MYO9A: variants seen among roughly 807,000 people sequenced by gnomAD.
The protein encoded by MYO9A is myosin IXA, also known as unconventional myosin-IXa.
In MYO9A, 103 loss-of-function variants were observed where a neutral mutation model predicts 293.3. The observed-to-expected ratio is 0.35, with a 90% CI of 0.30 to 0.41. The LOEUF is 0.41. MYO9A is among the 10% of genes least tolerant of loss of function. MYO9A has a pLI of 1.00. For missense variants in MYO9A, 2,685 were observed against 3,033.0 expected (o/e 0.89, Z 2.69); for synonymous variants, 1,001 against 1,035.7 (o/e 0.97, Z 0.64).
intron 11 of MYO9A, among the ~76,000 whole-genome samples, chr15:71,985,720 T>C (rs2076392157): frequency 6.6e-6 from 1 of 152,196 alleles, no homozygotes; most frequent in Admixed American, 6.5e-5. Context: ...GATTTCTTTC[T>C]TATAGTCTAG....
At chr15:72,026,392 T>C (rs1470293941) in intron 4 of MYO9A, among the ~76,000 whole-genome samples, 2 of 142,432 alleles carry the variant, frequency 1.4e-5, no homozygotes, top group African/African-American at 5.3e-5. Context: ...ACAAGCAAAA[T>C]TATAAAATAC....
chr15:72,013,663 T>TGA (rs2077238702), intron 6 of MYO9A, among the ~76,000 whole-genome samples: 2 of 152,196 alleles, frequency 1.3e-5, no homozygotes, highest in Non-Finnish European at 2.9e-5. Flanking sequence ...ACTTTCCCAT[T>TGA]TACAAATGCC....
chr15:72,086,323 T>A (rs186155273), intron 1 of MYO9A, among the ~76,000 whole-genome samples: 30 of 152,168 alleles, frequency 2.0e-4, no homozygotes, highest in African/African-American at 6.7e-4. Flanking sequence ...GTGTGCACCC[T>A]CTGTGCACAT....
At chr15:71,935,164 C>T (rs2058602458) in intron 17 of MYO9A, 177 bp downstream of exon 17, 9 of 613,090 alleles carry the variant, frequency 1.5e-5, no homozygotes, top group Non-Finnish European at 1.9e-5. Context: ...CTTTATAACA[C>T]ATGAGATTCA....
chr15:71,853,756 C>T (rs1332727983), intron 35 of MYO9A, among the ~76,000 whole-genome samples: 2 of 152,210 alleles, frequency 1.3e-5, no homozygotes, highest in African/African-American at 4.8e-5. Flanking sequence ...TACAAAGATA[C>T]ATGCTCAACT....
Position 71,851,360 on chromosome 15 carries a change from TA to T in MYO9A, c.6476-3del. On this transcript the variant is annotated splice_region_variant and splice_polypyrimidine_tract_variant and intron_variant, in intron 36 of 41. Coordinates refer to ENST00000356056, the MANE Select transcript of MYO9A (RefSeq NM_006901.4). ...TTGTCTCCTTCCTCTCCTGAAGGCC[TA>T]AAAACAGTAAGAGCAGAAACTAAGA... The T allele has an allele frequency of 6.2e-7, 1 of 1,608,932 alleles. No homozygotes were observed. The highest frequency in any genetic ancestry group is 1.1e-5 in the South Asian group (1 of 90,598).
rs887500576 is a variant in MYO9A, at chr15:71,823,248, A to G, written c.*3332T>C. 9 of 151,766 alleles carry G rather than the reference A, an allele frequency of 5.9e-5. No individual in the cohort carries two copies. The highest frequency in any genetic ancestry group is 2.2e-4 in the African/African-American group (9 of 40,992). 9.4% of individuals were successfully genotyped at this position (151,766 alleles called of 1,614,324 possible). On this transcript the variant is annotated 3_prime_UTR_variant, in exon 42 of 42. Coordinates refer to ENST00000356056, the MANE Select transcript of MYO9A (RefSeq NM_006901.4). ...CTTGTTACAGTGAAAAACACAGCCCACAGGCACTGAGGTGGGACTACAGAA... is the reference window on the plus strand; with the variant it reads ...CTTGTTACAGTGAAAAACACAGCCCGCAGGCACTGAGGTGGGACTACAGAA...
At chr15:71,870,381 T>C (rs543357937) in intron 32 of MYO9A, among the ~76,000 whole-genome samples, 13 of 152,308 alleles carry the variant, frequency 8.5e-5, no homozygotes, top group African/African-American at 3.1e-4. Context: ...GGAATAGTAA[T>C]TGTTTCTATT....
At chr15:71,963,925 T>C (rs2075808132) in intron 13 of MYO9A, among the ~76,000 whole-genome samples, 1 of 152,230 alleles carries the variant, frequency 6.6e-6, no homozygotes, top group Admixed American at 6.5e-5. Flanking sequence ...TGGGATTTCC[T>C]CTGTGGAAAA....
chr15:71,960,050 G>T lies in MYO9A; in HGVS notation c.2033C>A (p.Ala678Asp). ...TGCATTCTTGCTGCTTCTCAGAAGA[G>T]CTACAATGTCTGGGCGCATATGATC... ...NTDHMRPDIV[A>D]LLRSSKNAFI... Residue 678 changes from alanine (A) to aspartate (D), a missense_variant, in exon 14 of 42, where the codon GCT (alanine) becomes GAT (aspartate). Transcript: ENST00000356056. 6.2e-7 allele frequency: 1 copy of T among 1,613,966 alleles called. No individual in the cohort carries two copies. The highest frequency in any genetic ancestry group is 1.1e-5 in the South Asian group (1 of 91,068).
chr15:71,832,926 C>T (rs1366932497), intron 39 of MYO9A, among the ~76,000 whole-genome samples: 1 of 151,832 alleles, frequency 6.6e-6, no homozygotes, highest in Non-Finnish European at 1.5e-5. Flanking sequence ...TACTAGTTAG[C>T]AAATACTGAT....
chr15:72,117,001 G>C (rs1316116820), intron 1 of MYO9A: 1 of 152,192 alleles, frequency 6.6e-6, no homozygotes, highest in African/African-American at 2.4e-5. Flanking sequence ...ATTCCCTCAG[G>C]ATTTCATGGC....
chr15:71,985,766 T>C (rs1050553137), intron 11 of MYO9A, among the ~76,000 whole-genome samples: 4 of 152,226 alleles, frequency 2.6e-5, no homozygotes, highest in Non-Finnish European at 5.9e-5. Context: ...CTCCAATGCC[T>C]TCAAATATAT....
At chr15:71,969,961 G>T (rs765817692) in intron 12 of MYO9A, among the ~76,000 whole-genome samples, 1 of 152,108 alleles carries the variant, frequency 6.6e-6, no homozygotes, top group African/African-American at 2.4e-5. Context: ...CCCAACTATT[G>T]CAATTCTGAC....
chr15:72,017,334 T>C (rs2077375302), intron 6 of MYO9A, among the ~76,000 whole-genome samples: 1 of 152,160 alleles, frequency 6.6e-6, no homozygotes, highest in African/African-American at 2.4e-5. Flanking sequence ...AAGTATTACT[T>C]AGACTATCTC....
chr15:72,066,458 C>A (rs1408219846), intron 1 of MYO9A, among the ~76,000 whole-genome samples: 4 of 149,316 alleles, frequency 2.7e-5, no homozygotes, highest in Admixed American at 6.7e-5. Context: ...TGCACTCCAG[C>A]CTGGCAACAG....
intron 1 of MYO9A, among the ~76,000 whole-genome samples, chr15:72,099,804 A>G (rs2080207379): frequency 6.7e-6 from 1 of 149,364 alleles, no homozygotes; most frequent in Non-Finnish European, 1.5e-5. Flanking sequence ...CAGGAGGCTG[A>G]GACAGGAGAA....
intron 14 of MYO9A, 24 bp from the exon 15 acceptor site, chr15:71,951,920 CA>C (rs748558106): frequency 4.7e-3 from 5,899 of 1,255,178 alleles, no homozygotes; most frequent in South Asian, 0.015. Context: ...AAAAAACAAA[CA>C]AAAAAAAAAG....
chr15:71,900,591 A>G (rs1227824755), intron 23 of MYO9A, among the ~76,000 whole-genome samples: 3 of 152,348 alleles, frequency 2.0e-5, no homozygotes, highest in African/African-American at 7.2e-5. Context: ...AACCTAATTT[A>G]AAATTTTTGG....
Sources: allele counts gnomAD v4.1 joint callset (sites outside exome capture counted in the v4.1 genomes callset), GRCh38; gene constraint gnomAD v4.1.1; transcripts MANE v1.5; gene names NCBI Gene and HGNC (gene_info 2026-07-23, HGNC 2026-07-21).